Variants in HID1 observed in about 807,000 individuals in gnomAD.
The protein encoded by HID1 is protein HID1.
HID1 carries 42 observed loss-of-function variants against 89.7 expected under a neutral mutation model. That is an observed-to-expected ratio of 0.47 (90% CI 0.37 to 0.61). The LOEUF (loss-of-function observed/expected upper bound fraction) is 0.61. Ranked by LOEUF, HID1 falls within the 20% of genes least tolerant of loss-of-function variation. The probability of loss-of-function intolerance (pLI) is 0.00; values close to 1 mark genes in which losing one functional copy is unlikely to be tolerated. For synonymous variants in HID1, 442 were observed against 433.8 expected (o/e 1.02, Z -0.24); for missense variants, 854 against 1,039.3 (o/e 0.82, Z 2.45).
At chr17:74,954,035 T>C in intron 14 of HID1, 103 bp downstream of exon 14, 1 of 1,130,438 alleles carries the variant, frequency 8.8e-7, no homozygotes, top group Non-Finnish European at 1.3e-6. Flanking sequence ...CTTCCATACA[T>C]AAGCCATGCT....
In HID1 at chr17:74,954,292, G is replaced by T. The variant is rs1166466754; in HGVS notation, c.1710C>A (p.Asp570Glu). The T allele has an allele frequency of 1.3e-6, 2 of 1,588,084 alleles. No homozygotes were observed. Among genetic ancestry groups the T allele is most frequent in the Middle Eastern group, 1.7e-4 (1 of 6,018 alleles). Residue 570 changes from aspartate to glutamate, a missense_variant, in exon 14 of 19, where the codon GAC becomes GAA. Coordinates refer to ENST00000425042, the MANE Select transcript of HID1 (RefSeq NM_030630.3). Reference protein sequence around the residue: ...IFHQLANLPTDPPTIHKALQR... With the variant: ...IFHQLANLPTEPPTIHKALQR... ...GCAGGGCCTTGTGAATGGTGGGCGG[G>T]TCCGTGGGCAGGTTGGCCAGCTGGT...
chr17:74,955,576 C>T (rs2039376866), intron 13 of HID1, among the ~76,000 whole-genome samples: 1 of 152,190 alleles, frequency 6.6e-6, no homozygotes, highest in African/African-American at 2.4e-5. Flanking sequence ...GCTATGAGCT[C>T]CACAGGGCAA....
Position 74,958,578 on chromosome 17 carries a change from G to T in HID1, c.1240+95C>A. 1 of 1,582,016 alleles carries T rather than the reference G, an allele frequency of 6.3e-7. No individual in the cohort carries two copies. The highest frequency in any genetic ancestry group is 8.7e-7 in the Non-Finnish European group (1 of 1,155,448). ...GGCCTCCCTCCTAGGAGGTCAGAGT[G>T]CCAGGCCTGAGCTCCTGGGAGTCAG... On this transcript the variant is annotated intron_variant, in intron 10 of 18. Transcript: ENST00000425042. This position sits in a 1 kb window ranked among gnomAD's most constrained non-coding sequence, Gnocchi z 5.2.
intron 1 of HID1, among the ~76,000 whole-genome samples, chr17:74,967,569 GC>G: frequency 6.6e-6 from 1 of 152,038 alleles, no homozygotes; most frequent in South Asian, 2.1e-4. Flanking sequence ...AATAATAATG[GC>G]TGGGCACAGT....
At chr17:74,954,888 G>C (rs754487442) in intron 13 of HID1, 47 of 166,118 alleles carry the variant, frequency 2.8e-4, no homozygotes, top group Non-Finnish European at 4.8e-4. Flanking sequence ...TGCATGTGCT[G>C]TCTCTTGCCC....
chr17:74,958,806 G>A lies in HID1; in HGVS notation c.1150-43C>T. On this transcript the variant is annotated intron_variant, in intron 9 of 18. Transcript: ENST00000425042. The surrounding 1 kb of genome is among the most constrained non-coding windows in gnomAD (Gnocchi z 5.2). ...GGCCAAGTGGGCTGAGTTCAAGGGA[G>A]GGGCAGCTCTGCCCCACCCCCCTCA... 1 of 1,603,668 alleles carries A rather than the reference G, an allele frequency of 6.2e-7. No individual in the cohort carries two copies.
intron 1 of HID1, chr17:74,967,761 G>C (rs1046443647): frequency 6.6e-6 from 1 of 152,186 alleles, no homozygotes; most frequent in Non-Finnish European, 1.5e-5. Context: ...GCTGAGGTGG[G>C]AGGACTGCCT....
chr17:74,958,494 T>G lies in HID1; in HGVS notation c.1241-16A>C. 6.3e-7 allele frequency: 1 copy of G among 1,582,204 alleles called. No individual in the cohort carries two copies. Among genetic ancestry groups the G allele is most frequent in the Non-Finnish European group, 8.6e-7 (1 of 1,164,586 alleles). ...CCCACCCGAGCTGCGGCAGGTGGCG[T>G]GGGAGGGGTCACTCGGGTGGGAGGG... On this transcript the variant is annotated splice_polypyrimidine_tract_variant and intron_variant, in intron 10 of 18. Transcript: ENST00000425042. The surrounding 1 kb of genome is among the most constrained non-coding windows in gnomAD (Gnocchi z 5.2).
rs1244680359 is a variant in HID1, at chr17:74,961,904, A to G, written c.697T>C (p.Trp233Arg). The G allele has an allele frequency of 1.9e-6, 3 of 1,598,460 alleles. No homozygotes were observed. The highest frequency in any genetic ancestry group is 1.1e-5 in the South Asian group (1 of 89,250). ...PAPESGSTNPWVQFFCSTENR... is the reference protein window; with the variant it reads ...PAPESGSTNPRVQFFCSTENR... ...TCCGTGGAACAAAAGAACTGAACCC[A>G]TGGGTTGGTGCTGCCACTTTCCGGA... Residue 233 changes from tryptophan to arginine, a missense_variant, in exon 6 of 19, where the codon TGG (tryptophan) becomes CGG (arginine). Physicochemically the swap from Trp to Arg is moderately radical, Grantham distance 101 (BLOSUM62 -3). Coordinates refer to ENST00000425042, the MANE Select transcript of HID1 (RefSeq NM_030630.3).
intron 14 of HID1, 60 bp downstream of exon 14, chr17:74,954,078 C>T (rs1238844711): frequency 5.5e-6 from 8 of 1,464,254 alleles, no homozygotes; most frequent in Non-Finnish European, 7.5e-6. Flanking sequence ...ACCCCGAGAC[C>T]ATGTCCCTCC....
rs368644143 is a variant in HID1 at position 74,951,559 on chromosome 17, C to T, written c.*11G>A. 41 of 1,608,386 alleles carry T rather than the reference C, an allele frequency of 2.5e-5. 1 individual carries two copies. The highest frequency in any genetic ancestry group is 1.7e-4 in the African/African-American group (13 of 74,864). On this transcript the variant is annotated 3_prime_UTR_variant, in exon 19 of 19. Coordinates refer to ENST00000425042, the MANE Select transcript of HID1 (RefSeq NM_030630.3). ...CCTTCCCCTAGACTGAGCCCCTCGT[C>T]GGCTTCATCCTCACACCCGCTGTAT...
intron 3 of HID1, chr17:74,963,539 G>A: frequency 1.7e-6 from 1 of 601,364 alleles, no homozygotes; most frequent in Admixed American, 3.0e-5. Context: ...TCCAGACTGT[G>A]GGCACAGAAA....
intron 3 of HID1, 60 bp downstream of exon 3, chr17:74,963,680 G>C: frequency 6.7e-7 from 1 of 1,490,960 alleles, no homozygotes; most frequent in Admixed American, 2.1e-5. Context: ...CGGCCCTAAA[G>C]GGCGCTCTCC....
chr17:74,958,609 A>G lies in HID1; in HGVS notation c.1240+64T>C, dbSNP rs1008099411. On this transcript the variant is annotated intron_variant, in intron 10 of 18. Transcript: ENST00000425042. The surrounding 1 kb of genome is among the most constrained non-coding windows in gnomAD (Gnocchi z 5.2). ...CCTGAGCTCCTGGGAGTCAGGGCAG[A>G]TAGCCAGCCCTCCACCTCGCCGCCA... 1 of 1,587,078 alleles carries G rather than the reference A, an allele frequency of 6.3e-7. No homozygotes were observed. The highest frequency in any genetic ancestry group is 1.3e-5 in the African/African-American group (1 of 74,304).
chr17:74,952,205 C>A, intron 17 of HID1, 64 bp downstream of exon 17: 1 of 1,545,728 alleles, frequency 6.5e-7, no homozygotes, highest in South Asian at 1.1e-5. Context: ...CTGCCCACAC[C>A]ACCGGCCCCG....
chr17:74,951,926 A>G lies in HID1; in HGVS notation c.2282T>C (p.Met761Thr). 6.5e-7 allele frequency: 1 copy of G among 1,540,326 alleles called. No homozygotes were observed. The highest frequency in any genetic ancestry group is 8.8e-7 in the Non-Finnish European group (1 of 1,141,906). ...SGTAMWFRTY[M>T]WGVIYLRNVD... ...CCACCTCAGATAGATGACGCCCCACATGTAGGTGCGGAACCACATGGCAGT... is the reference window on the plus strand; with the variant it reads ...CCACCTCAGATAGATGACGCCCCACGTGTAGGTGCGGAACCACATGGCAGT... The change falls in exon 18 of 19, where the codon ATG (methionine) becomes ACG (threonine). Residue 761 changes from methionine to threonine, a missense_variant. Transcript: ENST00000425042.
chr17:74,958,225 C>A lies in HID1; in HGVS notation c.1393-6G>T, dbSNP rs1354397796. The stretch of plus-strand genomic sequence containing the variant: ...GTGATGATCTTGTGGAACACCTGTG[C>A]CAGGAGGGACAGAGGCACCGTGGGG... On this transcript the variant is annotated splice_region_variant and splice_polypyrimidine_tract_variant and intron_variant, in intron 11 of 18. Coordinates refer to ENST00000425042, the MANE Select transcript of HID1 (RefSeq NM_030630.3). This position sits in a 1 kb window ranked among gnomAD's most constrained non-coding sequence, Gnocchi z 5.2. 1.2e-6 allele frequency: 2 copies of A among 1,609,590 alleles called. No individual in the cohort carries two copies. Among genetic ancestry groups the A allele is most frequent in the African/African-American group, 2.7e-5 (2 of 74,832 alleles).
rs751034190 is a variant in HID1, at chr17:74,958,310, C to T, written c.1392+17G>A. The T allele has an allele frequency of 3.1e-6, 5 of 1,612,044 alleles. No individual in the cohort carries two copies. The highest frequency in any genetic ancestry group is 4.2e-6 in the Non-Finnish European group (5 of 1,179,294). ...CACCCCTGCACCTCCTGGGCCCGGC[C>T]GCACGAGCCCCCTCACCACAATGAG... On this transcript the variant is annotated intron_variant, in intron 11 of 18. Coordinates refer to ENST00000425042, the MANE Select transcript of HID1 (RefSeq NM_030630.3). This position sits in a 1 kb window ranked among gnomAD's most constrained non-coding sequence, Gnocchi z 5.2.
Position 74,954,154 on chromosome 17 carries a change from A to C in HID1, c.1848T>G (p.Ser616Arg), listed in dbSNP as rs1312318657. Residue 616 changes from serine to arginine, a missense_variant, in exon 14 of 19, where the codon AGT becomes AGG. Transcript: ENST00000425042. ...GCACCAGACCTGGAGTAGCCACCAG[A>C]CTGGTCTTGAGGGTGCCTGGCTCTG... ...APAEPGTLKT[S>R]LVATPGIDKL... 1 of 1,599,878 alleles carries C rather than the reference A, an allele frequency of 6.3e-7. No individual in the cohort carries two copies. The highest frequency in any genetic ancestry group is 8.5e-7 in the Non-Finnish European group (1 of 1,174,542).
Sources: gnomAD v4.1 joint callset for allele counts (sites outside exome capture counted in the v4.1 genomes callset) on GRCh38, gnomAD v4.1.1 for gene constraint, Gnocchi (gnomAD v3.1) non-coding constraint, MANE v1.5 for transcripts, NCBI Gene and HGNC (gene_info 2026-07-23, HGNC 2026-07-21) for gene names.